RASGRP1: variants seen among roughly 807,000 people sequenced by gnomAD.
The protein encoded by RASGRP1 is RAS guanyl-releasing protein 1.
A neutral mutation model predicts 95.1 loss-of-function variants in RASGRP1; 37 were observed. The ratio of observed to expected loss-of-function variants is 0.39; its 90% confidence interval spans 0.30 to 0.51. The LOEUF is 0.51. Ranked by LOEUF, RASGRP1 falls within the 20% of genes least tolerant of loss-of-function variation. The pLI is 0.80. For synonymous variants in RASGRP1, 325 were observed against 353.4 expected (o/e 0.92, Z 0.90); for missense variants, 711 against 965.4 (o/e 0.74, Z 3.49).
intron 2 of RASGRP1, among the ~76,000 whole-genome samples, chr15:38,538,504 TA>T (rs1566931513): frequency 1.3e-5 from 2 of 152,218 alleles, no homozygotes; most frequent in African/African-American, 2.4e-5. Flanking sequence ...CTCTTTTTGC[TA>T]ACATACTTGG....
At chr15:38,503,492 A>G in intron 10 of RASGRP1, 116 bp from the exon 11 acceptor site, 1 of 837,932 alleles carries the variant, frequency 1.2e-6, no homozygotes. Context: ...AATTATGTTC[A>G]GTGGCAAGGA....
intron 16 of RASGRP1, among the ~76,000 whole-genome samples, chr15:38,491,882 T>C (rs566384372): frequency 6.6e-6 from 1 of 152,364 alleles, no homozygotes; most frequent in East Asian, 1.9e-4. Context: ...TGCGAGCCAC[T>C]TCTTAAAGCA....
At chr15:38,542,115 A>G (rs1892888409) in intron 2 of RASGRP1, among the ~76,000 whole-genome samples, 2 of 152,012 alleles carry the variant, frequency 1.3e-5, no homozygotes, top group African/African-American at 4.8e-5. Flanking sequence ...GATCACTTGA[A>G]CCCAGGAGTT....
chr15:38,493,181 T>G (rs983845961), intron 16 of RASGRP1, among the ~76,000 whole-genome samples: 7 of 105,868 alleles, frequency 6.6e-5, no homozygotes, highest in Non-Finnish European at 1.3e-4. Flanking sequence ...CGCCGGGCCT[T>G]TTTTTTTTTT....
intron 7 of RASGRP1, 119 bp downstream of exon 7, chr15:38,512,663 AC>A: frequency 8.2e-7 from 1 of 1,224,980 alleles, no homozygotes; most frequent in Non-Finnish European, 1.1e-6. Context: ...AAACCTCTCC[AC>A]CCCCTCGCCA....
rs533579374 is a variant in RASGRP1 at position 38,563,119 on chromosome 15, C to T, written c.35+1475G>A. The stretch of plus-strand genomic sequence containing the variant: ...TAGACTAGGAAACCTGGCTTTCTTG[C>T]TGTACAGTCTCTTAACTGGTTGCCT... On this transcript the variant is annotated intron_variant, in intron 1 of 16. Transcript: ENST00000310803. Among the ~76,000 whole-genome samples the T allele has an allele frequency of 1.7e-3, 253 of 152,294 alleles. 1 individual carries two copies. Among genetic ancestry groups the T allele is most frequent in the African/African-American group, 5.9e-3 (246 of 41,558 alleles).
intron 16 of RASGRP1, among the ~76,000 whole-genome samples, chr15:38,493,026 G>T: frequency 6.6e-6 from 1 of 150,856 alleles, no homozygotes; most frequent in South Asian, 2.1e-4. Context: ...GACTACAGGC[G>T]CCCATTACCA....
In RASGRP1 at chr15:38,518,360, C is replaced by T. The variant is rs1231372563; in HGVS notation, c.453G>A (p.Glu151=). Residue 151 remains glutamate, a synonymous_variant, in exon 5 of 17, where the codon GAG becomes GAA. Transcript: ENST00000310803. ...KMDASLTDTM[E]EFQELVKAKG... ...TAGCTTTCACCAGTTCCTGAAACTC[C>T]TCCATAGTGTCTGTCAAGCTGGCGT... 3 of 1,609,578 alleles carry T rather than the reference C, an allele frequency of 1.9e-6. No homozygotes were observed. Among genetic ancestry groups the T allele is most frequent in the Non-Finnish European group, 1.7e-6 (2 of 1,177,950 alleles).
At chr15:38,543,121 G>T (rs922415889) in intron 2 of RASGRP1, among the ~76,000 whole-genome samples, 2 of 149,432 alleles carry the variant, frequency 1.3e-5, no homozygotes, top group African/African-American at 5.1e-5. Flanking sequence ...CAAAAACATT[G>T]TCCTAAATTT....
At position 38,526,351 on chromosome 15, in the gene RASGRP1, T is replaced by C. The variant is rs1892219893; in HGVS notation, c.274A>G (p.Met92Val). 3 of 1,613,220 alleles carry C rather than the reference T, an allele frequency of 1.9e-6. No homozygotes were observed. The highest frequency in any genetic ancestry group is 1.3e-5 in the African/African-American group (1 of 74,878). The change falls in exon 3 of 17, where the codon ATG becomes GTG. Residue 92 changes from methionine to valine, a missense_variant. Met to Val is a conservative substitution (Grantham distance 21). Coordinates refer to ENST00000310803, the MANE Select transcript of RASGRP1 (RefSeq NM_005739.4). ...GCAGAGGAGATGACAATTCGGTGCATGGTCAGCATGACTTGCAACAGTTGG... is the reference window on the plus strand; with the variant it reads ...GCAGAGGAGATGACAATTCGGTGCACGGTCAGCATGACTTGCAACAGTTGG... ...SNQLLQVMLT[M>V]HRIVISSAEL...
Position 38,503,376 on chromosome 15 carries a change from G to A in RASGRP1, c.1324C>T (p.Pro442Ser), listed in dbSNP as rs774203566. The stretch of plus-strand genomic sequence containing the variant: ...ACTGGTGGCTTTGAAGGTGTTAGTG[G>A]CTAAAATGAAATATTTAGAGAAATC... ...AREPRNHRAP[P>S]LTPSKPPVVV... Residue 442 changes from proline to serine, a missense_variant and splice_region_variant, in exon 11 of 17, where the codon CCA (proline) becomes TCA (serine). Pro to Ser is a moderately conservative substitution (Grantham distance 74). Around this residue, in one of 3 missense-constraint regions of RASGRP1, gnomAD observed 491 missense variants for 676.6 expected, o/e 0.73. Coordinates refer to ENST00000310803, the MANE Select transcript of RASGRP1 (RefSeq NM_005739.4). The A allele has an allele frequency of 6.3e-7, 1 of 1,595,808 alleles. No individual in the cohort carries two copies. The highest frequency in any genetic ancestry group is 8.6e-7 in the Non-Finnish European group (1 of 1,167,238).
intron 2 of RASGRP1, among the ~76,000 whole-genome samples, chr15:38,555,122 G>C (rs945584068): frequency 3.3e-5 from 5 of 152,210 alleles, no homozygotes; most frequent in African/African-American, 9.7e-5. Context: ...CCCTGAGTGT[G>C]TGTTTGCCTT....
At chr15:38,501,529 C>T in intron 12 of RASGRP1, 1 of 633,086 alleles carries the variant, frequency 1.6e-6, no homozygotes, top group Non-Finnish European at 2.9e-6. Context: ...AACTAGGTTT[C>T]CCTAACTAAC....
At chr15:38,506,802 A>C (rs1891278672) in intron 9 of RASGRP1, among the ~76,000 whole-genome samples, 1 of 152,198 alleles carries the variant, frequency 6.6e-6, no homozygotes, top group Non-Finnish European at 1.5e-5. Context: ...TAAATGGCTT[A>C]TGTACATTTT....
chr15:38,513,664 CAT>C lies in RASGRP1; in HGVS notation c.676-710_676-709del, dbSNP rs1388519157. Among the ~76,000 whole-genome samples the C allele has an allele frequency of 3.3e-5, 5 of 152,200 alleles. No individual in the cohort carries two copies. In the East Asian group the frequency reaches 5.8e-4, roughly 18 times the overall value. On this transcript the variant is annotated intron_variant, in intron 6 of 16. Transcript: ENST00000310803. ...TTGACTACAGTTGGCAATGAAACAA[CAT>C]GTGTAAAACTGGAAATGTCCCTGAA...
intron 7 of RASGRP1, 26 bp from the exon 8 acceptor site, chr15:38,511,746 C>T: frequency 6.5e-7 from 1 of 1,545,430 alleles, no homozygotes; most frequent in Non-Finnish European, 8.9e-7. Flanking sequence ...CAGATGACAG[C>T]AGAGTCACTG....
intron 2 of RASGRP1, among the ~76,000 whole-genome samples, chr15:38,557,629 G>GTGTGTGTATA (rs745934661): frequency 4.1e-5 from 6 of 147,370 alleles, no homozygotes; most frequent in Non-Finnish European, 6.0e-5. Flanking sequence ...GTGTGTGTGT[G>GTGTGTGTATA]TATATATATA....
At chr15:38,557,847 C>A (rs1893631487) in intron 2 of RASGRP1, among the ~76,000 whole-genome samples, 1 of 152,028 alleles carries the variant, frequency 6.6e-6, no homozygotes, top group African/African-American at 2.4e-5. Flanking sequence ...GTTTTCAGTT[C>A]AACATATTCC....
chr15:38,518,203 C>A, intron 5 of RASGRP1, 89 bp downstream of exon 5: 11 of 1,300,802 alleles, frequency 8.5e-6, no homozygotes, highest in Non-Finnish European at 1.1e-5. Flanking sequence ...CAGCAGTCAC[C>A]GCTGGGGGTC....
Sources: allele counts gnomAD v4.1 joint callset (sites outside exome capture counted in the v4.1 genomes callset), GRCh38; gene constraint gnomAD v4.1.1; regional missense constraint gnomAD v4.1.1; transcripts MANE v1.5; gene names NCBI Gene and HGNC (gene_info 2026-07-23, HGNC 2026-07-21).